Variants in NALF1 observed in about 807,000 individuals in gnomAD.
The protein encoded by NALF1 is family with sequence similarity 155 member A.
Under a neutral mutation model 48.4 loss-of-function variants are expected in NALF1, and 3 were observed. The observed-to-expected ratio is 0.06, with a 90% CI of 0.03 to 0.16. The LOEUF is 0.16. Among genes scored for constraint, NALF1 ranks in the 10% least tolerant of loss-of-function variants. The pLI, the probability that NALF1 is intolerant of heterozygous loss-of-function variation, is 1.00. For synonymous variants in NALF1, 262 were observed against 245.7 expected (o/e 1.07, Z -0.62); for missense variants, 526 against 571.5 (o/e 0.92, Z 0.81).
intron 1 of NALF1, among the ~76,000 whole-genome samples, chr13:107,759,127 C>G (rs1296227556): frequency 6.6e-6 from 1 of 152,160 alleles, no homozygotes; most frequent in African/African-American, 2.4e-5. Context: ...ACAGCAGGGT[C>G]AGGAGAAATA....
rs942574174 is a variant in NALF1 at position 107,170,438 on chromosome 13, C to G, written c.*59G>C. ...AGCACCCAGTTTCTGTTACATGAGA[C>G]AGCAGTTGCCATTTTTCACGGCGGG... is the stretch of plus-strand genomic sequence containing the variant. On this transcript the variant is annotated 3_prime_UTR_variant, in exon 3 of 3. Coordinates refer to ENST00000375915, the MANE Select transcript of NALF1 (RefSeq NM_001080396.3). The G allele has an allele frequency of 8.5e-6, 13 of 1,527,152 alleles. No homozygotes were observed. The highest frequency in any genetic ancestry group is 1.2e-5 in the Non-Finnish European group (13 of 1,128,960). 94.6% of individuals were successfully genotyped at this position (1,527,152 alleles called of 1,614,324 possible).
intron 1 of NALF1, among the ~76,000 whole-genome samples, chr13:107,845,926 T>C (rs1880159749): frequency 6.6e-6 from 1 of 152,130 alleles, no homozygotes; most frequent in Non-Finnish European, 1.5e-5. Context: ...TGAATATAAT[T>C]CAAATTCATG....
chr13:107,683,041 T>G (rs905341490), intron 1 of NALF1, among the ~76,000 whole-genome samples: 1 of 152,128 alleles, frequency 6.6e-6, no homozygotes, highest in Admixed American at 6.5e-5. Flanking sequence ...GGAGGGAGGA[T>G]TGCCGGAGCC....
At chr13:107,453,286 A>T (rs1189267541) in intron 1 of NALF1, among the ~76,000 whole-genome samples, 2 of 152,212 alleles carry the variant, frequency 1.3e-5, no homozygotes, top group Non-Finnish European at 2.9e-5. Context: ...CCCCTTCAAT[A>T]CATCTCTGCC....
chr13:107,609,506 CT>C (rs1345851641), intron 1 of NALF1, among the ~76,000 whole-genome samples: 1 of 152,170 alleles, frequency 6.6e-6, no homozygotes, highest in Non-Finnish European at 1.5e-5. Context: ...AACCAAGAGC[CT>C]TGTGAGCCTG....
chr13:107,370,493 T>G (rs1383699075), intron 1 of NALF1, among the ~76,000 whole-genome samples: 3 of 152,214 alleles, frequency 2.0e-5, no homozygotes, highest in Admixed American at 2.0e-4. Flanking sequence ...GTGGTCACAG[T>G]GAACTGAAAT....
At chr13:107,335,939 A>C (rs1264592832) in intron 1 of NALF1, among the ~76,000 whole-genome samples, 1 of 151,026 alleles carries the variant, frequency 6.6e-6, no homozygotes, top group Admixed American at 6.6e-5. Context: ...TTTTTTTTTC[A>C]GTTTTAGGAA....
intron 1 of NALF1, among the ~76,000 whole-genome samples, chr13:107,714,711 C>A (rs1251981688): frequency 6.7e-6 from 1 of 150,142 alleles, no homozygotes; most frequent in Non-Finnish European, 1.5e-5. Flanking sequence ...TGTTTTGACA[C>A]TTAAGAGTTT....
intron 1 of NALF1, among the ~76,000 whole-genome samples, chr13:107,229,957 TG>T (rs1880185579): frequency 6.6e-6 from 1 of 152,164 alleles, no homozygotes; most frequent in Admixed American, 6.5e-5. Flanking sequence ...CATTCTGCGA[TG>T]GAAGATTGGG....
At chr13:107,571,391 A>G (rs751281743) in intron 1 of NALF1, among the ~76,000 whole-genome samples, 4 of 152,156 alleles carry the variant, frequency 2.6e-5, no homozygotes. Flanking sequence ...AAGTGATTTA[A>G]TCAATCATAA....
chr13:107,732,394 G>A (rs1876334303), intron 1 of NALF1, among the ~76,000 whole-genome samples: 1 of 152,066 alleles, frequency 6.6e-6, no homozygotes, highest in African/African-American at 2.4e-5. Context: ...TACACAGTGG[G>A]TTTTCATTTG....
At chr13:107,803,753 G>A (rs912006655) in intron 1 of NALF1, among the ~76,000 whole-genome samples, 6 of 152,082 alleles carry the variant, frequency 3.9e-5, no homozygotes, top group African/African-American at 9.7e-5. Context: ...TTTAATAAAC[G>A]TTAATGAGCA....
At chr13:107,598,633 C>G (rs1001164037) in intron 1 of NALF1, among the ~76,000 whole-genome samples, 1 of 152,134 alleles carries the variant, frequency 6.6e-6, no homozygotes, top group Admixed American at 6.5e-5. Flanking sequence ...ATTCTAATTT[C>G]TCTGGCTAAA....
chr13:107,425,898 A>T (rs1440520457), intron 1 of NALF1, among the ~76,000 whole-genome samples: 1 of 150,542 alleles, frequency 6.6e-6, no homozygotes, highest in Non-Finnish European at 1.5e-5. Flanking sequence ...ACATACTATG[A>T]TATTAAATAT....
intron 1 of NALF1, among the ~76,000 whole-genome samples, chr13:107,688,860 G>T (rs1274250742): frequency 6.6e-6 from 1 of 152,178 alleles, no homozygotes; most frequent in African/African-American, 2.4e-5. Flanking sequence ...TCCTGGGTCA[G>T]GTGACCGAAA....
chr13:107,199,854 A>G (rs1260805623), intron 2 of NALF1, among the ~76,000 whole-genome samples: 5 of 152,300 alleles, frequency 3.3e-5, no homozygotes, highest in African/African-American at 9.6e-5. Context: ...TTGCCCCTTC[A>G]CAGCATTGCC....
At chr13:107,821,492 C>T (rs1879361463) in intron 1 of NALF1, among the ~76,000 whole-genome samples, 1 of 152,158 alleles carries the variant, frequency 6.6e-6, no homozygotes, top group African/African-American at 2.4e-5. Context: ...TTCTTCTCTG[C>T]AGAATTCTTT....
intron 1 of NALF1, among the ~76,000 whole-genome samples, chr13:107,271,810 A>T (rs200249140): frequency 0.072 from 988 of 13,778 alleles, 29 homozygotes; most frequent in South Asian, 0.24. Context: ...ATATATATAT[A>T]TATATATTTA....
At chr13:107,357,082 G>A (rs1882975646) in intron 1 of NALF1, among the ~76,000 whole-genome samples, 1 of 152,104 alleles carries the variant, frequency 6.6e-6, no homozygotes, top group African/African-American at 2.4e-5. Context: ...GAACATAGGA[G>A]ATATAATACA....
Sources: gnomAD v4.1 joint callset for allele counts (sites outside exome capture counted in the v4.1 genomes callset) on GRCh38, gnomAD v4.1.1 for gene constraint, MANE v1.5 for transcripts, NCBI Gene and HGNC (gene_info 2026-07-23, HGNC 2026-07-21) for gene names.